PINX1: variants seen among roughly 807,000 people sequenced by gnomAD.
PINX1 encodes PIN2/TERF1-interacting telomerase inhibitor 1.
PINX1 carries 34 observed loss-of-function variants against 25.4 expected under a neutral mutation model. The observed-to-expected ratio is 1.34, with a 90% CI of 1.02 to 1.78. The LOEUF is 1.78. Ranked by LOEUF, PINX1 falls within the 40% of genes most tolerant of loss-of-function variation. The pLI is 0.00. For synonymous variants in PINX1, 197 were observed against 147.7 expected, an observed-to-expected ratio of 1.33 and a Z score of -2.42; for missense variants, 592 against 404.9, an observed-to-expected ratio of 1.46 and a Z score of -3.97.
intron 5 of PINX1, among the ~76,000 whole-genome samples, chr8:10,824,622 C>T (rs1797981006): frequency 6.6e-6 from 1 of 152,150 alleles, no homozygotes; most frequent in African/African-American, 2.4e-5. Flanking sequence ...CTCCCGGCAT[C>T]CATTAGATTA....
At chr8:10,781,602 C>A (rs1481530207) in intron 6 of PINX1, among the ~76,000 whole-genome samples, 1 of 152,142 alleles carries the variant, frequency 6.6e-6, no homozygotes, top group Non-Finnish European at 1.5e-5. Context: ...ACATCACTAA[C>A]CATCAAGGAA....
rs759414176 is a variant in PINX1 at position 10,834,572 on chromosome 8, A to G, written c.129+94T>C. On this transcript the variant is annotated intron_variant, in intron 2 of 6. Transcript: ENST00000314787. ...TCAAAATCACTTACTGATCCAAAGC[A>G]TAAGTTTCTTCCAGTCTCCTAAGAA... 1.1e-5 allele frequency: 16 copies of G among 1,479,480 alleles called. No individual in the cohort carries two copies. In the East Asian group the frequency reaches 2.4e-4, roughly 22 times the overall value. 91.6% of individuals were successfully genotyped at this position (1,479,480 alleles called of 1,614,324 possible). A position where few individuals can be genotyped will look rare whatever the true frequency, so the allele number is the denominator to read the frequency against.
At chr8:10,816,541 C>A (rs1389823200) in intron 6 of PINX1, among the ~76,000 whole-genome samples, 3 of 152,244 alleles carry the variant, frequency 2.0e-5, no homozygotes, top group Non-Finnish European at 2.9e-5. Flanking sequence ...CTGGCCTGGA[C>A]ACCTGGTCAC....
At chr8:10,829,285 CAAAAAAAAAA>C (rs57684473) in intron 4 of PINX1, among the ~76,000 whole-genome samples, 2 of 90,518 alleles carry the variant, frequency 2.2e-5, no homozygotes, top group Non-Finnish European at 4.5e-5. Flanking sequence ...GACTCCATCT[CAAAAAAAAAA>C]AAAAAAAAAA....
chr8:10,819,704 T>C (rs1797806466), intron 6 of PINX1, among the ~76,000 whole-genome samples: 1 of 152,194 alleles, frequency 6.6e-6, no homozygotes, highest in South Asian at 2.1e-4. Context: ...ATAGAGGAAA[T>C]ACCCATCAAA....
rs1396718293 is a variant in PINX1, at chr8:10,765,532, C to T, written c.856G>A (p.Gly286Ser). The part of the protein sequence containing the change: ...DAGDHVQPPE[G>S]RDFTLKPKKR... Reference sequence around the variant, plus strand: ...TTGGGCTTCAGGGTGAAGTCCCGGCCCTCAGGCGGCTGCACATGGTCCCCT... The same window carrying T: ...TTGGGCTTCAGGGTGAAGTCCCGGCTCTCAGGCGGCTGCACATGGTCCCCT... Residue 286 changes from glycine (G) to serine (S), a missense_variant, in exon 7 of 7, where the codon GGC becomes AGC. Gly to Ser is a moderately conservative substitution (Grantham distance 56, BLOSUM62 0). Coordinates refer to ENST00000314787, the MANE Select transcript of PINX1 (RefSeq NM_017884.6). 5.0e-5 allele frequency: 81 copies of T among 1,613,640 alleles called. No individual in the cohort carries two copies. The highest frequency in any genetic ancestry group is 1.6e-4 in the East Asian group (7 of 44,884).
intron 6 of PINX1, chr8:10,771,392 G>C (rs893982307): frequency 1.3e-5 from 2 of 152,224 alleles, no homozygotes; most frequent in Non-Finnish European, 2.9e-5. Context: ...TCAAGTGTGT[G>C]ACTGCTTCCT....
intron 6 of PINX1, among the ~76,000 whole-genome samples, chr8:10,798,343 C>G (rs1331739108): frequency 6.6e-6 from 1 of 152,216 alleles, no homozygotes; most frequent in Non-Finnish European, 1.5e-5. Context: ...CTTCCAGGCC[C>G]TCCCAAATCC....
At chr8:10,821,686 G>A (rs1407408801) in intron 5 of PINX1, among the ~76,000 whole-genome samples, 3 of 152,194 alleles carry the variant, frequency 2.0e-5, no homozygotes, top group African/African-American at 7.2e-5. Flanking sequence ...CAGCTTTGCT[G>A]CCAGCACAAC....
chr8:10,776,410 G>A (rs1451196409), intron 6 of PINX1, among the ~76,000 whole-genome samples: 1 of 149,946 alleles, frequency 6.7e-6, no homozygotes, highest in East Asian at 1.9e-4. Context: ...GGGTAACAGA[G>A]TGAGACTCCG....
chr8:10,801,491 C>T (rs1387654327), intron 6 of PINX1, among the ~76,000 whole-genome samples: 1 of 152,224 alleles, frequency 6.6e-6, no homozygotes, highest in African/African-American at 2.4e-5. Context: ...GGTGTGGTCC[C>T]CTCGCCTAGA....
At chr8:10,798,229 T>C (rs1802152130) in intron 6 of PINX1, among the ~76,000 whole-genome samples, 1 of 152,202 alleles carries the variant, frequency 6.6e-6, no homozygotes, top group African/African-American at 2.4e-5. Flanking sequence ...TAATGCTTAT[T>C]AAATGCCCAC....
intron 6 of PINX1, among the ~76,000 whole-genome samples, chr8:10,792,618 T>C (rs946081820): frequency 8.5e-5 from 13 of 152,086 alleles, no homozygotes; most frequent in Non-Finnish European, 1.5e-4. Context: ...AGGAATGGAA[T>C]TCATGAAAGG....
chr8:10,801,054 A>AT (rs1802250133), intron 6 of PINX1, among the ~76,000 whole-genome samples: 1 of 152,306 alleles, frequency 6.6e-6, no homozygotes, highest in African/African-American at 2.4e-5. Context: ...GAAGCTCTAT[A>AT]TTTTATCATG....
chr8:10,839,856 G>C lies in PINX1; in HGVS notation c.-100C>G, dbSNP rs1170053329. The stretch of plus-strand genomic sequence containing the variant: ...GAATCAGGACGTGCGTAACTCCCTC[G>C]CCGGCGGACTGCAGCGGACGGGGCG... On this transcript the variant is annotated 5_prime_UTR_variant, in exon 1 of 7. Coordinates refer to ENST00000314787, the MANE Select transcript of PINX1 (RefSeq NM_017884.6). The C allele has an allele frequency of 1.7e-6, 2 of 1,183,870 alleles. No homozygotes were observed. Among genetic ancestry groups the C allele is most frequent in the African/African-American group, 1.6e-5 (1 of 64,338 alleles). The allele number at this position is 1,183,870 out of a possible 1,614,324, so 73.3% of individuals were successfully genotyped here.
Position 10,808,886 on chromosome 8 carries a change from A to G in PINX1, c.471+11307T>C, listed in dbSNP as rs190014449. Among the ~76,000 whole-genome samples the G allele has an allele frequency of 5.9e-5, 9 of 152,372 alleles. No homozygotes were observed. In the East Asian group the frequency reaches 1.7e-3, roughly 29 times the overall value. On this transcript the variant is annotated intron_variant, in intron 6 of 6. Coordinates refer to ENST00000314787, the MANE Select transcript of PINX1 (RefSeq NM_017884.6). ...AAAACACAGCCTAAAAAGCAAGAGC[A>G]GCAGAAAAGGAAAAGTTGGAAAAAA...
At chr8:10,820,057 G>A in intron 6 of PINX1, 136 bp downstream of exon 6, 5 of 669,840 alleles carry the variant, frequency 7.5e-6, no homozygotes. Context: ...ATCATATCTA[G>A]GCTGTGCATG....
At chr8:10,767,315 T>G (rs181619937) in intron 6 of PINX1, among the ~76,000 whole-genome samples, 1 of 152,142 alleles carries the variant, frequency 6.6e-6, no homozygotes, top group African/African-American at 2.4e-5. Flanking sequence ...ATGTCCCAGT[T>G]GCAGTTCCAG....
chr8:10,785,794 T>C (rs1017859866), intron 6 of PINX1, among the ~76,000 whole-genome samples: 2 of 152,246 alleles, frequency 1.3e-5, no homozygotes, highest in Non-Finnish European at 2.9e-5. Flanking sequence ...CATATACGTG[T>C]GTACAGGACC....
Sources: gnomAD v4.1 joint callset for allele counts (sites outside exome capture counted in the v4.1 genomes callset) on GRCh38, gnomAD v4.1.1 for gene constraint, MANE v1.5 for transcripts, NCBI Gene and HGNC (gene_info 2026-07-23, HGNC 2026-07-21) for gene names.